Variants in BCO2 observed in about 807,000 individuals in gnomAD.
The protein encoded by BCO2 is carotenoid-cleaving dioxygenase, mitochondrial.
BCO2 carries 56 observed loss-of-function variants against 65.8 expected under a neutral mutation model. The ratio of observed to expected loss-of-function variants is 0.85; its 90% CI spans 0.69 to 1.06. BCO2 has a LOEUF of 1.06. Among genes scored for constraint, BCO2 ranks in the 50% least tolerant of loss-of-function variants. BCO2 has a pLI of 0.00. For missense variants in BCO2, 675 were observed against 698.5 expected (o/e 0.97, Z 0.38); for synonymous variants, 233 against 242.3 (o/e 0.96, Z 0.36).
At chr11:112,217,612 C>T (rs1037298709) in intron 11 of BCO2, 149 bp from the exon 12 acceptor site, 31 of 569,276 alleles carry the variant, frequency 5.4e-5, no homozygotes, top group South Asian at 1.0e-4. Flanking sequence ...CCACCCACCT[C>T]GGCCTCCCAA....
At position 112,193,541 on chromosome 11, in the gene BCO2, T is replaced by A. The variant is rs747076138; in HGVS notation, c.361T>A (p.Tyr121Asn). The A allele has an allele frequency of 1.2e-6, 2 of 1,614,144 alleles. No individual in the cohort carries two copies. The highest frequency in any genetic ancestry group is 1.7e-6 in the Non-Finnish European group (2 of 1,180,012). Residue 121 changes from tyrosine (Y) to asparagine (N), a missense_variant, in exon 3 of 12, where the codon TAC (tyrosine) becomes AAC (asparagine). Physicochemically the swap from Tyr to Asn is moderately radical, Grantham distance 143. Transcript: ENST00000357685. ...CAGAATGGCAAAGGGCACAGTGACA[T>A]ACAGGAGCAAGTTTCTACAGAGTGA... ...QFRMAKGTVT[Y>N]RSKFLQSDTY... is the part of the protein sequence containing the mutation.
chr11:112,176,312 C>G (rs1178791918), intron 1 of BCO2: 1 of 152,276 alleles, frequency 6.6e-6, no homozygotes, highest in Non-Finnish European at 1.5e-5. Flanking sequence ...ATTTATCATA[C>G]AAGACAGATA....
intron 8 of BCO2, among the ~76,000 whole-genome samples, chr11:112,204,209 A>G (rs1332290359): frequency 1.3e-5 from 2 of 152,180 alleles, no homozygotes; most frequent in Non-Finnish European, 2.9e-5. Flanking sequence ...AATGTCTTCC[A>G]GGTCCATCCA....
intron 8 of BCO2, among the ~76,000 whole-genome samples, chr11:112,204,906 C>T (rs1346682658): frequency 6.6e-6 from 1 of 152,222 alleles, no homozygotes; most frequent in Admixed American, 6.5e-5. Context: ...CTCAGATGAT[C>T]TGCCCACCTT....
chr11:112,206,959 T>C (rs1317205700), intron 8 of BCO2, among the ~76,000 whole-genome samples: 10 of 152,244 alleles, frequency 6.6e-5, no homozygotes, highest in Non-Finnish European at 4.4e-5. Context: ...GTAAATGGTA[T>C]CTTTTAAGCT....
At chr11:112,211,269 C>A (rs955854561) in intron 8 of BCO2, among the ~76,000 whole-genome samples, 6 of 151,282 alleles carry the variant, frequency 4.0e-5, no homozygotes, top group Non-Finnish European at 8.8e-5. Context: ...TATGTTGTAG[C>A]ATGTATCAGA....
chr11:112,178,013 G>A (rs1388384003), intron 1 of BCO2, among the ~76,000 whole-genome samples: 5 of 148,198 alleles, frequency 3.4e-5, no homozygotes, highest in Admixed American at 6.8e-5. Context: ...GGTTCAATGC[G>A]ATTCTCCTGC....
chr11:112,187,309 C>G (rs987398054), intron 2 of BCO2, among the ~76,000 whole-genome samples: 5 of 152,250 alleles, frequency 3.3e-5, no homozygotes, highest in African/African-American at 1.2e-4. Context: ...TGCCTCTCCT[C>G]TGATGATTTT....
intron 2 of BCO2, among the ~76,000 whole-genome samples, chr11:112,184,740 C>CT (rs1867155645): frequency 6.6e-6 from 1 of 151,448 alleles, no homozygotes; most frequent in Admixed American, 6.6e-5. Context: ...CATTATCTTT[C>CT]TGCAGCAGCA....
rs746511655 is a variant in BCO2, at chr11:112,217,815, C to A, written c.1681C>A (p.Arg561=). 6.2e-7 allele frequency: 1 copy of A among 1,614,076 alleles called. No individual in the cohort carries two copies. Among genetic ancestry groups the A allele is most frequent in the South Asian group, 1.1e-5 (1 of 91,082 alleles). The change falls in exon 12 of 12, where the codon CGA becomes AGA. Residue 561 remains arginine (R), a synonymous_variant. Coordinates refer to ENST00000357685, the MANE Select transcript of BCO2 (RefSeq NM_031938.7). The part of the protein sequence containing the change: ...LDAKNFEELG[R]AEVPVQMPYG... ...TGCCAAGAACTTTGAAGAGCTGGGC[C>A]GAGCAGAGGTACCTGTGCAGATGCC...
intron 8 of BCO2, among the ~76,000 whole-genome samples, chr11:112,205,151 T>C (rs369203982): frequency 1.3e-5 from 2 of 152,226 alleles, no homozygotes; most frequent in East Asian, 3.8e-4. Context: ...TTTTCGACTA[T>C]GTAGGGGGTT....
chr11:112,208,728 G>A (rs1419503159), intron 8 of BCO2: 2 of 202,732 alleles, frequency 9.9e-6, no homozygotes, highest in Non-Finnish European at 1.1e-5. Flanking sequence ...GATCAGCAGG[G>A]CAACCATCTC....
At position 112,217,763 on chromosome 11, in the gene BCO2, T is replaced by A. The variant is rs1468450988; in HGVS notation, c.1629T>A (p.Asn543Lys). The A allele has an allele frequency of 1.9e-5, 31 of 1,607,322 alleles. No individual in the cohort carries two copies. The highest frequency in any genetic ancestry group is 2.6e-5 in the Non-Finnish European group (30 of 1,175,320). ...CAATATTGTCTTTTCTTTTCTAGAATGAAAGCAATTTTATCCTAGTTTTGG... is the reference window on the plus strand; with the variant it reads ...CAATATTGTCTTTTCTTTTCTAGAAAGAAAGCAATTTTATCCTAGTTTTGG... ...ILSVVITPNQ[N>K]ESNFILVLDA... The change falls in exon 12 of 12, where the codon AAT (asparagine) becomes AAA (lysine). Residue 543 changes from asparagine to lysine, a missense_variant and splice_region_variant. By Grantham distance (94) the Asn-to-Lys change is moderately conservative. Transcript: ENST00000357685.
At chr11:112,190,145 G>A (rs1218085422) in intron 2 of BCO2, among the ~76,000 whole-genome samples, 2 of 151,844 alleles carry the variant, frequency 1.3e-5, no homozygotes, top group East Asian at 1.9e-4. Context: ...AAGTAGCCAA[G>A]TGTGGGGGCG....
intron 2 of BCO2, among the ~76,000 whole-genome samples, chr11:112,191,018 G>A (rs537968813): frequency 6.7e-6 from 1 of 150,008 alleles, no homozygotes; most frequent in East Asian, 2.0e-4. Flanking sequence ...ATTATATCTT[G>A]GTGCTACAAG....
At chr11:112,206,122 G>A (rs1592859654) in intron 8 of BCO2, among the ~76,000 whole-genome samples, 1 of 149,566 alleles carries the variant, frequency 6.7e-6, no homozygotes, top group Non-Finnish European at 1.5e-5. Flanking sequence ...CTAGACGGGC[G>A]GCAGCTGGGC....
At position 112,201,991 on chromosome 11, in the gene BCO2, A is replaced by G. The variant is rs200407992; in HGVS notation, c.1027-32A>G. Reference sequence around the variant, plus strand: ...GGGAAAAAGAAGAAAACTAAAAAAAATTTTTTTCATTGTTTGTGTTTTCCC... The same window carrying G: ...GGGAAAAAGAAGAAAACTAAAAAAAGTTTTTTTCATTGTTTGTGTTTTCCC... On this transcript the variant is annotated intron_variant, in intron 7 of 11. Coordinates refer to ENST00000357685, the MANE Select transcript of BCO2 (RefSeq NM_031938.7). 3 of 1,511,996 alleles carry G rather than the reference A, an allele frequency of 2.0e-6. No homozygotes were observed. The Middle Eastern group carries it at 5.3e-4, about 268-fold the overall frequency. 93.7% of individuals were successfully genotyped at this position (1,511,996 alleles called of 1,614,324 possible). A position where few individuals can be genotyped will look rare whatever the true frequency, so the allele number is the denominator to read the frequency against.
At chr11:112,196,915 TCCTTC>T (rs71060231) in intron 5 of BCO2, among the ~76,000 whole-genome samples, 24,229 of 124,114 alleles carry the variant, frequency 0.2, 2,572 homozygotes, top group African/African-American at 0.28. Flanking sequence ...TTCCTTTCCT[TCCTTC>T]CCTTCCCTTC....
chr11:112,205,590 G>T (rs1867845552), intron 8 of BCO2, among the ~76,000 whole-genome samples: 1 of 152,180 alleles, frequency 6.6e-6, no homozygotes. Context: ...AAGTAGCTGG[G>T]TCTACAGGTG....
Sources: gnomAD v4.1 joint callset for allele counts (sites outside exome capture counted in the v4.1 genomes callset) on GRCh38, gnomAD v4.1.1 for gene constraint, MANE v1.5 for transcripts, NCBI Gene and HGNC (gene_info 2026-07-23, HGNC 2026-07-21) for gene names.